Variants in ZC2HC1B observed in about 807,000 individuals in gnomAD.
The protein encoded by ZC2HC1B is zinc finger C2HC-type containing 1B.
Under a neutral mutation model 31.0 loss-of-function variants are expected in ZC2HC1B, and 36 were observed. That is an observed-to-expected ratio of 1.16 (90% confidence interval 0.89 to 1.54). ZC2HC1B has a LOEUF of 1.54. Ranked by LOEUF, ZC2HC1B falls within the 40% of genes most tolerant of loss-of-function variation. ZC2HC1B has a pLI of 0.00. For missense variants in ZC2HC1B, 260 were observed against 268.6 expected (o/e 0.97, Z 0.22); for synonymous variants, 73 against 88.0 (o/e 0.83, Z 0.95).
chr6:143,935,295 T>C (rs1257965711), intron 6 of ZC2HC1B, among the ~76,000 whole-genome samples: 1 of 152,066 alleles, frequency 6.6e-6, no homozygotes, highest in African/African-American at 2.4e-5. Context: ...GCCCCAACAA[T>C]GCACAGAAGC....
chr6:143,929,050 C>T (rs1019025059), intron 6 of ZC2HC1B, among the ~76,000 whole-genome samples: 6 of 152,092 alleles, frequency 3.9e-5, no homozygotes, highest in African/African-American at 1.2e-4. Context: ...GATAATCTGA[C>T]TTCCTCTTTT....
rs924983224 is a variant in ZC2HC1B, at chr6:143,903,638, G to A, written c.598+486G>A. 6.6e-6 allele frequency among the ~76,000 whole-genome samples: 1 copy of A among 152,114 alleles called. No individual in the cohort carries two copies. The highest frequency in any genetic ancestry group is 6.6e-5 in the Admixed American group (1 of 15,266). ...AAAATCTTATGTCAAACTAACATAA[G>A]TCAAGAATTTCTGTACAGTCATCCC... On this transcript the variant is annotated intron_variant, in intron 6 of 7. Transcript: ENST00000237275. This position sits in a 1 kb window ranked among gnomAD's most constrained non-coding sequence, Gnocchi z 4.3.
chr6:143,915,863 A>C lies in ZC2HC1B; in HGVS notation c.598+12711A>C, dbSNP rs547503748. Among the ~76,000 whole-genome samples, 60 of 152,330 alleles carry C rather than the reference A, an allele frequency of 3.9e-4. 1 individual carries two copies. Among genetic ancestry groups the C allele is most frequent in the African/African-American group, 1.4e-3 (60 of 41,584 alleles). Reference sequence around the variant, plus strand: ...TTAAAGGCATTCAGTTTTAAAAGGGAAACTGAGCATAAAAGTTTGGAAAAG... The same window carrying C: ...TTAAAGGCATTCAGTTTTAAAAGGGCAACTGAGCATAAAAGTTTGGAAAAG... On this transcript the variant is annotated intron_variant, in intron 6 of 7. Transcript: ENST00000237275. The surrounding 1 kb of genome is among the most constrained non-coding windows in gnomAD (Gnocchi z 5.2).
chr6:143,883,368 C>G lies in ZC2HC1B; in HGVS notation c.29-936C>G, dbSNP rs1303509039. Among the ~76,000 whole-genome samples, 2 of 152,142 alleles carry G rather than the reference C, an allele frequency of 1.3e-5. No homozygotes were observed. Among genetic ancestry groups the G allele is most frequent in the Non-Finnish European group, 2.9e-5 (2 of 68,030 alleles). The stretch of plus-strand genomic sequence containing the variant: ...TGCAGCTTTTTCACTAAACTCCGCT[C>G]TTCTCCCACTATACTCGCAATCCAT... On this transcript the variant is annotated intron_variant, in intron 1 of 7. Coordinates refer to ENST00000237275, the MANE Select transcript of ZC2HC1B (RefSeq NM_001013623.3). The surrounding 1 kb of genome is among the most constrained non-coding windows in gnomAD (Gnocchi z 4.1).
intron 6 of ZC2HC1B, among the ~76,000 whole-genome samples, chr6:143,912,462 ATTTG>A (rs1338119216): frequency 6.6e-6 from 1 of 151,818 alleles, no homozygotes; most frequent in Non-Finnish European, 1.5e-5. Context: ...GTTGTTTTCT[ATTTG>A]TTTGTTTTTC....
At position 143,870,132 on chromosome 6, in the gene ZC2HC1B, A is replaced by G. The variant is rs1301153422; in HGVS notation, c.28+5565A>G. ...TGACTATCCAGCCAAACTACTGGCAACAGCCCATGAATCAGTATATAATTG... is the reference window on the plus strand; with the variant it reads ...TGACTATCCAGCCAAACTACTGGCAGCAGCCCATGAATCAGTATATAATTG... On this transcript the variant is annotated intron_variant, in intron 1 of 7. Coordinates refer to ENST00000237275, the MANE Select transcript of ZC2HC1B (RefSeq NM_001013623.3). The surrounding 1 kb of genome is among the most constrained non-coding windows in gnomAD (Gnocchi z 4.7). Among the ~76,000 whole-genome samples the G allele has an allele frequency of 6.6e-6, 1 of 152,208 alleles. No homozygotes were observed. The highest frequency in any genetic ancestry group is 2.4e-5 in the African/African-American group (1 of 41,450).
chr6:143,893,444 T>C (rs1777624153), intron 4 of ZC2HC1B, among the ~76,000 whole-genome samples: 1 of 152,066 alleles, frequency 6.6e-6, no homozygotes, highest in Admixed American at 6.5e-5. Context: ...GGCTCACTCC[T>C]GTAATCCCAG....
Position 143,923,111 on chromosome 6 carries a change from A to T in ZC2HC1B, c.599-14538A>T, listed in dbSNP as rs1778000644. Among the ~76,000 whole-genome samples, 1 of 151,788 alleles carries T rather than the reference A, an allele frequency of 6.6e-6. No individual in the cohort carries two copies. Among genetic ancestry groups the T allele is most frequent in the Non-Finnish European group, 1.5e-5 (1 of 67,954 alleles). On this transcript the variant is annotated intron_variant, in intron 6 of 7. Coordinates refer to ENST00000237275, the MANE Select transcript of ZC2HC1B (RefSeq NM_001013623.3). The surrounding 1 kb of genome is among the most constrained non-coding windows in gnomAD (Gnocchi z 4.8). ...ATTGGCATTTCCCTGATAATTAATT[A>T]TGTTGAACATTTTTTCCATATACCT... is the stretch of plus-strand genomic sequence containing the variant.
chr6:143,935,314 G>A (rs1403808579), intron 6 of ZC2HC1B, among the ~76,000 whole-genome samples: 1 of 152,110 alleles, frequency 6.6e-6, no homozygotes, highest in Admixed American at 6.6e-5. Context: ...GCACTGGTGG[G>A]CATGACACCA....
At position 143,884,913 on chromosome 6, in the gene ZC2HC1B, C is replaced by T. The variant is rs1777512258; in HGVS notation, c.90+548C>T. On this transcript the variant is annotated intron_variant, in intron 2 of 7. Transcript: ENST00000237275. The surrounding 1 kb of genome is among the most constrained non-coding windows in gnomAD (Gnocchi z 5.1). ...CCAAGATCTAATTGTTGTACAGATT[C>T]AAGCTAACGGCATGTCAAGTCCCCG... Among the ~76,000 whole-genome samples, 1 of 152,118 alleles carries T rather than the reference C, an allele frequency of 6.6e-6. No individual in the cohort carries two copies. Among genetic ancestry groups the T allele is most frequent in the Non-Finnish European group, 1.5e-5 (1 of 68,020 alleles).
intron 6 of ZC2HC1B, among the ~76,000 whole-genome samples, chr6:143,935,649 T>A (rs1778168538): frequency 1.1e-5 from 1 of 94,936 alleles, no homozygotes; most frequent in Non-Finnish European, 2.0e-5. Flanking sequence ...TATCACTCTT[T>A]TTTTTTTTTT....
In ZC2HC1B at chr6:143,917,159, A is replaced by G. The variant is rs1777929327; in HGVS notation, c.598+14007A>G. Reference sequence around the variant, plus strand: ...AAGTCTCATGAGATCTGACGACTTTAAAAAGAGGAGCTCCCCTGCACAAGC... The same window carrying G: ...AAGTCTCATGAGATCTGACGACTTTGAAAAGAGGAGCTCCCCTGCACAAGC... On this transcript the variant is annotated intron_variant, in intron 6 of 7. Transcript: ENST00000237275. This position sits in a 1 kb window ranked among gnomAD's most constrained non-coding sequence, Gnocchi z 4.1. Among the ~76,000 whole-genome samples, 1 of 152,168 alleles carries G rather than the reference A, an allele frequency of 6.6e-6. No homozygotes were observed. The highest frequency in any genetic ancestry group is 1.5e-5 in the Non-Finnish European group (1 of 68,030).
intron 6 of ZC2HC1B, among the ~76,000 whole-genome samples, chr6:143,928,250 C>T (rs1036914559): frequency 3.9e-5 from 6 of 152,012 alleles, no homozygotes; most frequent in African/African-American, 9.7e-5. Flanking sequence ...TTTTAGTTTT[C>T]GCATCATACA....
In ZC2HC1B at chr6:143,885,634, T is replaced by C. The variant is rs567453639; in HGVS notation, c.91-398T>C. ...ACGAAGGGAGAGGGCCAAGGTCCCATAGTGGTACAGTAGCACATTTTATAC... is the reference window on the plus strand; with the variant it reads ...ACGAAGGGAGAGGGCCAAGGTCCCACAGTGGTACAGTAGCACATTTTATAC... On this transcript the variant is annotated intron_variant, in intron 2 of 7. Transcript: ENST00000237275. This position sits in a 1 kb window ranked among gnomAD's most constrained non-coding sequence, Gnocchi z 4.2. Among the ~76,000 whole-genome samples, 6 of 152,296 alleles carry C rather than the reference T, an allele frequency of 3.9e-5. No individual in the cohort carries two copies. The South Asian group carries it at 1.2e-3, about 32-fold the overall frequency.
chr6:143,871,602 C>T lies in ZC2HC1B; in HGVS notation c.28+7035C>T, dbSNP rs1236090961. ...TTCTTCCAGATCCATCTGTCTTCTGCACAGGCCAAATGGGAGAGTTGAACA... is the reference window on the plus strand; with the variant it reads ...TTCTTCCAGATCCATCTGTCTTCTGTACAGGCCAAATGGGAGAGTTGAACA... On this transcript the variant is annotated intron_variant, in intron 1 of 7. Coordinates refer to ENST00000237275, the MANE Select transcript of ZC2HC1B (RefSeq NM_001013623.3). This position sits in a 1 kb window ranked among gnomAD's most constrained non-coding sequence, Gnocchi z 4.1. Among the ~76,000 whole-genome samples, 1 of 152,232 alleles carries T rather than the reference C, an allele frequency of 6.6e-6. No individual in the cohort carries two copies. The highest frequency in any genetic ancestry group is 6.5e-5 in the Admixed American group (1 of 15,288).
At chr6:143,912,636 A>C (rs1383162295) in intron 6 of ZC2HC1B, among the ~76,000 whole-genome samples, 1 of 152,318 alleles carries the variant, frequency 6.6e-6, no homozygotes, top group East Asian at 1.9e-4. Context: ...TAGAAGCTCT[A>C]TCCTGGGGTA....
intron 1 of ZC2HC1B, among the ~76,000 whole-genome samples, chr6:143,882,334 T>A (rs9496796): frequency 0.16 from 14,012 of 85,434 alleles, 1,084 homozygotes; most frequent in Admixed American, 0.23. Context: ...TTTATATTTT[T>A]TATATATATA....
At chr6:143,906,941 T>C (rs1302145507) in intron 6 of ZC2HC1B, among the ~76,000 whole-genome samples, 2 of 151,936 alleles carry the variant, frequency 1.3e-5, no homozygotes, top group African/African-American at 2.4e-5. Context: ...TTCCCCCCAT[T>C]CTCCAGCAGG....
In ZC2HC1B at chr6:143,899,968, T is replaced by C. The variant is rs1442107938; in HGVS notation, c.489+1277T>C. Among the ~76,000 whole-genome samples, 2 of 152,132 alleles carry C rather than the reference T, an allele frequency of 1.3e-5. No individual in the cohort carries two copies. The highest frequency in any genetic ancestry group is 2.9e-5 in the Non-Finnish European group (2 of 68,030). ...GAAGTCTTCAAAGGCAAGCAAACTT[T>C]TTGCCCTTAAATATCAAAATGGGTT... is the stretch of plus-strand genomic sequence containing the variant. On this transcript the variant is annotated intron_variant, in intron 5 of 7. Transcript: ENST00000237275. This position sits in a 1 kb window ranked among gnomAD's most constrained non-coding sequence, Gnocchi z 5.0.
Sources: gnomAD v4.1 joint callset for allele counts (sites outside exome capture counted in the v4.1 genomes callset) on GRCh38, gnomAD v4.1.1 for gene constraint, Gnocchi (gnomAD v3.1) non-coding constraint, MANE v1.5 for transcripts, NCBI Gene and HGNC (gene_info 2026-07-23, HGNC 2026-07-21) for gene names.